CIT: variants seen among roughly 807,000 people sequenced by gnomAD.
CIT encodes the protein citron rho-interacting serine/threonine kinase.
In CIT, 79 loss-of-function variants were observed where a neutral mutation model predicts 272.7. The ratio of observed to expected loss-of-function variants is 0.29; its 90% CI spans 0.24 to 0.35. The LOEUF (loss-of-function observed/expected upper bound fraction) is 0.35, where lower values mean the gene tolerates loss of function less well. CIT is among the 10% of genes least tolerant of loss of function. CIT has a pLI of 1.00. For synonymous variants in CIT, 948 were observed against 995.6 expected (o/e 0.95, Z 0.90); for missense variants, 1,909 against 2,618.3 (o/e 0.73, Z 5.91).
At chr12:119,709,298 A>T (rs1431752822) in intron 39 of CIT, among the ~76,000 whole-genome samples, 1 of 151,884 alleles carries the variant, frequency 6.6e-6, no homozygotes, top group Non-Finnish European at 1.5e-5. Context: ...GGTGACAATG[A>T]TGTGTCACTG....
intron 5 of CIT, among the ~76,000 whole-genome samples, chr12:119,839,857 G>C (rs1969284109): frequency 6.6e-6 from 1 of 152,212 alleles, no homozygotes; most frequent in African/African-American, 2.4e-5. Context: ...TACCATGCCT[G>C]GGCCTGAAAG....
chr12:119,812,304 T>C (rs1966855447), intron 9 of CIT, among the ~76,000 whole-genome samples: 1 of 152,182 alleles, frequency 6.6e-6, no homozygotes, highest in South Asian at 2.1e-4. Flanking sequence ...ACCTGCTTGC[T>C]GTAGGCCCAG....
At chr12:119,700,484 G>T (rs758199232) in intron 44 of CIT, among the ~76,000 whole-genome samples, 2 of 152,186 alleles carry the variant, frequency 1.3e-5, no homozygotes, top group Non-Finnish European at 2.9e-5. Flanking sequence ...CTGGGTTCAA[G>T]CAATTCTCCT....
At chr12:119,873,700 G>A (rs1328140824) in intron 2 of CIT, among the ~76,000 whole-genome samples, 3 of 152,038 alleles carry the variant, frequency 2.0e-5, no homozygotes, top group Non-Finnish European at 4.4e-5. Flanking sequence ...AAATGCTGAT[G>A]GGGATGGTCC....
At chr12:119,825,444 G>A (rs1968084554) in intron 7 of CIT, 76 bp from the exon 8 acceptor site, 2 of 1,351,882 alleles carry the variant, frequency 1.5e-6, no homozygotes, top group Middle Eastern at 2.1e-4. Context: ...CCACATTTCA[G>A]ACACAAGCTG....
At chr12:119,863,235 A>G (rs537282270) in intron 3 of CIT, among the ~76,000 whole-genome samples, 34 of 150,362 alleles carry the variant, frequency 2.3e-4, no homozygotes, top group African/African-American at 6.9e-4. Flanking sequence ...AGAGGCTGAC[A>G]TTATCCTTAG....
At chr12:119,772,594 A>C (rs1236512844) in intron 17 of CIT, among the ~76,000 whole-genome samples, 176 bp downstream of exon 17, 1 of 152,254 alleles carries the variant, frequency 6.6e-6, no homozygotes, top group Non-Finnish European at 1.5e-5. Flanking sequence ...CTGCTATGAC[A>C]AATCTTTCTT....
Position 119,850,241 on chromosome 12 carries a change from G to A in CIT, c.449C>T (p.Ser150Phe). 2 of 1,613,268 alleles carry A rather than the reference G, an allele frequency of 1.2e-6. No individual in the cohort carries two copies. Among genetic ancestry groups the A allele is most frequent in the South Asian group, 1.1e-5 (1 of 91,054 alleles). ...GGGGATCCACGGGCTTGTGCTTCGA[G>A]ATAATATGTTCCGCTCTTCCTCAAA... ...SFFEEERNIL[S>F]RSTSPWIPQL... The change falls in exon 5 of 48, where the codon TCT becomes TTT. Residue 150 changes from serine to phenylalanine, a missense_variant. Coordinates refer to ENST00000392521, the MANE Select transcript of CIT (RefSeq NM_001206999.2).
intron 22 of CIT, among the ~76,000 whole-genome samples, chr12:119,754,508 G>A (rs577827559): frequency 3.3e-5 from 5 of 152,320 alleles, no homozygotes; most frequent in East Asian, 1.9e-4. Context: ...GGGGAGGAGC[G>A]GGAGCTGGAT....
At chr12:119,762,163 C>T (rs1566004810) in intron 19 of CIT, among the ~76,000 whole-genome samples, 3 of 152,004 alleles carry the variant, frequency 2.0e-5, no homozygotes. Context: ...TAAAAAGAGC[C>T]AGTCAGCGGG....
At chr12:119,732,938 G>A (rs1187494729) in intron 26 of CIT, among the ~76,000 whole-genome samples, 2 of 152,162 alleles carry the variant, frequency 1.3e-5, no homozygotes, top group South Asian at 2.1e-4. Flanking sequence ...ACTGGAAAGC[G>A]GCACCCGTCC....
chr12:119,820,505 G>A (rs1335400130), intron 9 of CIT, among the ~76,000 whole-genome samples: 2 of 152,016 alleles, frequency 1.3e-5, no homozygotes, highest in East Asian at 1.9e-4. Flanking sequence ...AGCCGAGATC[G>A]TGCCACCACA....
intron 32 of CIT, among the ~76,000 whole-genome samples, chr12:119,717,696 C>A (rs1431537029): frequency 6.6e-6 from 1 of 152,010 alleles, no homozygotes; most frequent in Non-Finnish European, 1.5e-5. Context: ...GCTGGGATTA[C>A]TGGCGTGAGC....
At chr12:119,719,003 A>G (rs1349417099) in intron 30 of CIT, 142 bp from the exon 31 acceptor site, 2 of 788,890 alleles carry the variant, frequency 2.5e-6, no homozygotes, top group Non-Finnish European at 4.0e-6. Flanking sequence ...ATGGCATGTG[A>G]AGGGGGGGAA....
intron 24 of CIT, among the ~76,000 whole-genome samples, chr12:119,737,264 G>A (rs184236837): frequency 1.9e-3 from 217 of 113,844 alleles, no homozygotes; most frequent in African/African-American, 6.1e-3. Flanking sequence ...CCACAATTGC[G>A]CCACTGCACT....
intron 13 of CIT, 95 bp downstream of exon 13, chr12:119,782,423 C>T: frequency 2.1e-6 from 3 of 1,432,320 alleles, no homozygotes; most frequent in South Asian, 1.3e-5. Context: ...TCTCTCTCTC[C>T]CTTTCTTCCT....
rs774141334 is a variant in CIT at position 119,758,732 on chromosome 12, C to T, written c.2422-32G>A. The stretch of plus-strand genomic sequence containing the variant: ...CACAGGGCACCTATGAAACTTCACA[C>T]ACCAGAACAGGAGTAACAGGGGCAG... On this transcript the variant is annotated intron_variant, in intron 20 of 47. Transcript: ENST00000392521. 5 of 1,415,500 alleles carry T rather than the reference C, an allele frequency of 3.5e-6. No homozygotes were observed. The South Asian group carries it at 4.6e-5, about 13-fold the overall frequency. The allele number at this position is 1,415,500 out of a possible 1,614,324, so 87.7% of individuals were successfully genotyped here.
intron 24 of CIT, among the ~76,000 whole-genome samples, chr12:119,736,255 TA>T (rs1484311411): frequency 1.3e-5 from 2 of 152,212 alleles, no homozygotes; most frequent in African/African-American, 4.8e-5. Context: ...AGAAGGAAAT[TA>T]AAAGGAAATG....
chr12:119,713,120 C>T lies in CIT; in HGVS notation c.4579+83G>A, dbSNP rs1407536172. 9.7e-7 allele frequency: 1 copy of T among 1,027,906 alleles called. No homozygotes were observed. The highest frequency in any genetic ancestry group is 2.4e-5 in the East Asian group (1 of 42,082). The allele number at this position is 1,027,906 out of a possible 1,614,324, so 63.7% of individuals were successfully genotyped here. On this transcript the variant is annotated intron_variant, in intron 35 of 47. Transcript: ENST00000392521. This position sits in a 1 kb window ranked among gnomAD's most constrained non-coding sequence, Gnocchi z 5.2. Reference sequence around the variant, plus strand: ...AGCGTAGAAGGCTTGCAAGGCAGTCCAAAAAACAAAGCCTTCGCGCCAGCA... The same window carrying T: ...AGCGTAGAAGGCTTGCAAGGCAGTCTAAAAAACAAAGCCTTCGCGCCAGCA...
Sources: gnomAD v4.1 joint callset for allele counts (sites outside exome capture counted in the v4.1 genomes callset) on GRCh38, gnomAD v4.1.1 for gene constraint, Gnocchi (gnomAD v3.1) non-coding constraint, MANE v1.5 for transcripts, NCBI Gene and HGNC (gene_info 2026-07-23, HGNC 2026-07-21) for gene names.